B4GALT2: variants seen among roughly 807,000 people sequenced by gnomAD.
B4GALT2 encodes the protein beta-1,4-galactosyltransferase 2, also known as N-acetyllactosamine synthase.
In B4GALT2, 18 loss-of-function variants were observed where a neutral mutation model predicts 33.2. That is an observed-to-expected ratio of 0.54 (90% CI 0.38 to 0.80). The LOEUF is 0.80. B4GALT2 is among the 30% of genes least tolerant of loss of function. B4GALT2 has a pLI of 0.00. For missense variants in B4GALT2, 404 were observed against 526.2 expected (o/e 0.77, Z 2.27); for synonymous variants, 214 against 217.6 (o/e 0.98, Z 0.15).
At chr1:43,985,158 C>T (rs1344033875) in intron 4 of B4GALT2, 103 bp downstream of exon 4, 2 of 1,565,554 alleles carry the variant, frequency 1.3e-6, no homozygotes, top group Non-Finnish European at 1.7e-6. Context: ...TGGCCCAGAC[C>T]CCACTGGCGA....
At chr1:43,983,541 G>C (rs1349031563) in intron 3 of B4GALT2, among the ~76,000 whole-genome samples, 2 of 152,212 alleles carry the variant, frequency 1.3e-5, no homozygotes, top group Non-Finnish European at 2.9e-5. Flanking sequence ...TCAGGGGCAT[G>C]GTGGGGGCGG....
At chr1:43,985,089 C>T (rs2085641414) in intron 4 of B4GALT2, 34 bp downstream of exon 4, 1 of 1,605,832 alleles carries the variant, frequency 6.2e-7, no homozygotes, top group African/African-American at 1.3e-5. Flanking sequence ...ACCCAGCCCT[C>T]CTGCCCCCAC....
In B4GALT2 at chr1:43,984,862, C is replaced by T. The variant is rs1251169334; in HGVS notation, c.550-3C>T. 1 of 1,613,034 alleles carries T rather than the reference C, an allele frequency of 6.2e-7. No individual in the cohort carries two copies. The highest frequency in any genetic ancestry group is 1.7e-5 in the Admixed American group (1 of 59,986). On this transcript the variant is annotated splice_region_variant and splice_polypyrimidine_tract_variant and intron_variant, in intron 3 of 6. Coordinates refer to ENST00000372324, the MANE Select transcript of B4GALT2 (RefSeq NM_003780.5). The surrounding 1 kb of genome is among the most constrained non-coding windows in gnomAD (Gnocchi z 5.6). ...GGGTTGACCTGCTCCTCCCCCTACC[C>T]AGCATGGTGAGGACACCTTCAACCG...
chr1:43,983,079 TG>T (rs1484259225), intron 3 of B4GALT2, among the ~76,000 whole-genome samples: 1 of 152,162 alleles, frequency 6.6e-6, no homozygotes, highest in Admixed American at 6.5e-5. Context: ...ACACAGGAGC[TG>T]GGCCAGCTCT....
At chr1:43,983,483 G>T (rs901264715) in intron 3 of B4GALT2, among the ~76,000 whole-genome samples, 2 of 152,242 alleles carry the variant, frequency 1.3e-5, no homozygotes, top group African/African-American at 4.8e-5. Flanking sequence ...TGTGGACCAA[G>T]ACTCGTCCAG....
At position 43,985,319 on chromosome 1, in the gene B4GALT2, G is replaced by C. The variant is rs1326662262; in HGVS notation, c.782G>C (p.Ser261Thr). 6.2e-7 allele frequency: 1 copy of C among 1,613,274 alleles called. No individual in the cohort carries two copies. The highest frequency in any genetic ancestry group is 1.7e-5 in the Admixed American group (1 of 59,930). ...AGYFGGVSGL[S>T]KAQFLRINGF... ...TACTTTGGAGGTGTGTCAGGCCTGA[G>C]TAAGGCTCAGTTTCTGAGAATCAAT... The change falls in exon 5 of 7, where the codon AGT (serine) becomes ACT (threonine). Residue 261 changes from serine to threonine, a missense_variant. Ser to Thr is a moderately conservative substitution (Grantham distance 58). Coordinates refer to ENST00000372324, the MANE Select transcript of B4GALT2 (RefSeq NM_003780.5).
chr1:43,988,425 A>G (rs1303147700), intron 6 of B4GALT2, among the ~76,000 whole-genome samples: 6 of 151,978 alleles, frequency 3.9e-5, no homozygotes, highest in South Asian at 2.1e-4. Flanking sequence ...TGGGAGGCCA[A>G]TGTGGGCAGA....
chr1:43,985,817 G>C (rs772940013), intron 6 of B4GALT2, 196 bp downstream of exon 6: 1 of 610,170 alleles, frequency 1.6e-6, no homozygotes, highest in East Asian at 2.8e-5. Context: ...ACCCCTGATC[G>C]TTGTCCCCCA....
At position 43,981,189 on chromosome 1, in the gene B4GALT2, A is replaced by C. The variant is rs943486521; in HGVS notation, c.29A>C (p.Glu10Ala). ...AGCAGACTGCTGGGGGGGACGCTGG[A>C]GCGCGTCTGCAAGGCTGTGCTCCTT... MSRLLGGTL[E>A]RVCKAVLLLC... is the part of the protein sequence containing the mutation. Residue 10 changes from glutamate (E) to alanine (A), a missense_variant, in exon 2 of 7, where the codon GAG becomes GCG. Coordinates refer to ENST00000372324, the MANE Select transcript of B4GALT2 (RefSeq NM_003780.5). The surrounding 1 kb of genome is among the most constrained non-coding windows in gnomAD (Gnocchi z 8.1). The C allele has an allele frequency of 1.9e-6, 3 of 1,600,950 alleles. No individual in the cohort carries two copies. Among genetic ancestry groups the C allele is most frequent in the Non-Finnish European group, 2.5e-6 (3 of 1,179,800 alleles).
chr1:43,989,190 T>C (rs2154303442), intron 6 of B4GALT2, among the ~76,000 whole-genome samples: 1 of 151,688 alleles, frequency 6.6e-6, no homozygotes, highest in African/African-American at 2.4e-5. Flanking sequence ...CTACTAAAAA[T>C]ACAAAAATCA....
rs763491977 is a variant in B4GALT2 at position 43,981,743 on chromosome 1, G to A, written c.368G>A (p.Arg123Lys). ...TSPMPLERVQ[R>K]ENPGVLMGGR... ...CCCATGCCCCTGGAGCGGGTGCAGA[G>A]GGAGAACCCAGGCGTGCTCATGGGC... Residue 123 changes from arginine (R) to lysine (K), a missense_variant, in exon 3 of 7, where the codon AGG becomes AAG. Transcript: ENST00000372324. This position sits in a 1 kb window ranked among gnomAD's most constrained non-coding sequence, Gnocchi z 8.1. 4 of 1,613,460 alleles carry A rather than the reference G, an allele frequency of 2.5e-6. No individual in the cohort carries two copies. The highest frequency in any genetic ancestry group is 2.2e-5 in the South Asian group (2 of 91,076).
At position 43,985,489 on chromosome 1, in the gene B4GALT2, G is replaced by A. The variant is rs199596627; in HGVS notation, c.864-28G>A. On this transcript the variant is annotated intron_variant, in intron 5 of 6. Transcript: ENST00000372324. ...GGGTTCTTTGCCCTTCCTGGAGCCT[G>A]TTCCAGTCTGTCCGTCCCCATCCTC... 53 of 1,596,442 alleles carry A rather than the reference G, an allele frequency of 3.3e-5. No homozygotes were observed. The African/African-American group carries it at 6.2e-4, about 19-fold the overall frequency.
Position 43,981,022 on chromosome 1 carries a change from G to A in B4GALT2, c.-52-87G>A. On this transcript the variant is annotated intron_variant, in intron 1 of 6. Transcript: ENST00000372324. The surrounding 1 kb of genome is among the most constrained non-coding windows in gnomAD (Gnocchi z 8.1). ...GGTCAGTGTGAGGTGTGGCCCACGA[G>A]TGTGAGCAGCTGAGTGGGAGGTAGG... 2.8e-6 allele frequency: 4 copies of A among 1,434,938 alleles called. No individual in the cohort carries two copies. The highest frequency in any genetic ancestry group is 2.4e-5 in the Admixed American group (1 of 41,936). 88.9% of individuals were successfully genotyped at this position (1,434,938 alleles called of 1,614,324 possible). A position where few individuals can be genotyped will look rare whatever the true frequency, so the allele number is the denominator to read the frequency against.
chr1:43,982,852 A>T lies in B4GALT2; in HGVS notation c.549+928A>T, dbSNP rs2085615456. 6.6e-6 allele frequency among the ~76,000 whole-genome samples: 1 copy of T among 152,126 alleles called. No homozygotes were observed. The highest frequency in any genetic ancestry group is 2.4e-5 in the African/African-American group (1 of 41,428). On this transcript the variant is annotated intron_variant, in intron 3 of 6. Transcript: ENST00000372324. The surrounding 1 kb of genome is among the most constrained non-coding windows in gnomAD (Gnocchi z 4.3). ...CTGGTTGCATATGGAGCATGGATGGAGAGGGGAGATTAGAGACAGCGTGGC... is the reference window on the plus strand; with the variant it reads ...CTGGTTGCATATGGAGCATGGATGGTGAGGGGAGATTAGAGACAGCGTGGC...
rs2154303507 is a variant in B4GALT2 at position 43,990,740 on chromosome 1, C to T, written c.*292C>T. ...CAGGGTCGGGCCAGCCCCTGCACTG[C>T]CTCGCAGAGTGGCCTGGGCTAGGTC... is the stretch of plus-strand genomic sequence containing the variant. On this transcript the variant is annotated 3_prime_UTR_variant, in exon 7 of 7. Transcript: ENST00000372324. 2 of 441,062 alleles carry T rather than the reference C, an allele frequency of 4.5e-6. No homozygotes were observed. Among genetic ancestry groups the T allele is most frequent in the Admixed American group, 3.4e-5 (1 of 29,030 alleles). 27.3% of individuals were successfully genotyped at this position (441,062 alleles called of 1,614,324 possible). A position where few individuals can be genotyped will look rare whatever the true frequency, so the allele number is the denominator to read the frequency against.
Position 43,982,358 on chromosome 1 carries a change from TCCCAGAAGGGACCTCTGATGCAGG to T in B4GALT2, c.549+438_549+461del, listed in dbSNP as rs1394157961. ...GACCTGGCTAGGGCTGGCCACTAGGTCCCAGAAGGGACCTCTGATGCAGGCCCCCCCGCCCCCGCCGACCACAGA... is the reference window on the plus strand; with the variant it reads ...GACCTGGCTAGGGCTGGCCACTAGGTCCCCCCCGCCCCCGCCGACCACAGA... On this transcript the variant is annotated intron_variant, in intron 3 of 6. Transcript: ENST00000372324. The surrounding 1 kb of genome is among the most constrained non-coding windows in gnomAD (Gnocchi z 4.3). Among the ~76,000 whole-genome samples, 1 of 151,320 alleles carries T rather than the reference TCCCAGAAGGGACCTCTGATGCAGG, an allele frequency of 6.6e-6. No individual in the cohort carries two copies. Among genetic ancestry groups the T allele is most frequent in the Non-Finnish European group, 1.5e-5 (1 of 67,792 alleles).
Position 43,985,380 on chromosome 1 carries a change from G to A in B4GALT2, c.843G>A (p.Glu281=), listed in dbSNP as rs1401678176. ...ATGAGTACTGGGGCTGGGGTGGCGA[G>A]GATGATGACATCTTCAACCGGTGAG... ...FPNEYWGWGG[E]DDDIFNRISL... is the part of the protein sequence containing the mutation. Residue 281 remains glutamate, a synonymous_variant, in exon 5 of 7, where the codon GAG becomes GAA. Transcript: ENST00000372324. 1.9e-6 allele frequency: 3 copies of A among 1,568,618 alleles called. No individual in the cohort carries two copies. The highest frequency in any genetic ancestry group is 2.6e-6 in the Non-Finnish European group (3 of 1,155,194).
intron 1 of B4GALT2, chr1:43,980,430 C>A: frequency 1.8e-6 from 1 of 555,448 alleles, no homozygotes; most frequent in Non-Finnish European, 2.3e-6. Flanking sequence ...CGTTTTGCTC[C>A]AGTGGGAAGG....
chr1:43,990,806 C>T lies in B4GALT2; in HGVS notation c.*358C>T. The stretch of plus-strand genomic sequence containing the variant: ...GCCTCAGTTTCCCCCCCTTGAGTCC[C>T]CTAGGGCCTGGAAGGGTGGGAGGTA... On this transcript the variant is annotated 3_prime_UTR_variant, in exon 7 of 7. Transcript: ENST00000372324. 2 of 282,866 alleles carry T rather than the reference C, an allele frequency of 7.1e-6. No individual in the cohort carries two copies. Among genetic ancestry groups the T allele is most frequent in the South Asian group, 9.6e-5 (2 of 20,870 alleles). 17.5% of individuals were successfully genotyped at this position (282,866 alleles called of 1,614,324 possible).
Sources: allele counts gnomAD v4.1 joint callset (sites outside exome capture counted in the v4.1 genomes callset), GRCh38; gene constraint gnomAD v4.1.1; non-coding constraint Gnocchi (gnomAD v3.1); transcripts MANE v1.5; gene names NCBI Gene and HGNC (gene_info 2026-07-23, HGNC 2026-07-21).